NHSL1: variants seen among roughly 807,000 people sequenced by gnomAD.
The protein encoded by NHSL1 is NHS like 1, also known as NHS-like protein 1.
NHSL1 carries 48 observed loss-of-function variants against 95.0 expected under a neutral mutation model. The observed-to-expected ratio is 0.51, with a 90% CI of 0.40 to 0.64. The LOEUF (loss-of-function observed/expected upper bound fraction) is 0.64, where lower values mean the gene tolerates loss of function less well. NHSL1 is among the 30% of genes least tolerant of loss of function. NHSL1 has a pLI of 0.00. For synonymous variants in NHSL1, 783 were observed against 833.9 expected (o/e 0.94, Z 1.05); for missense variants, 1,971 against 2,077.7 (o/e 0.95, Z 1.00).
chr6:138,678,862 T>C (rs1464346807), intron 1 of NHSL1, among the ~76,000 whole-genome samples: 7 of 152,222 alleles, frequency 4.6e-5, no homozygotes, highest in African/African-American at 1.4e-4. Context: ...ATTAATGATA[T>C]TAATCAAAAC....
chr6:138,618,741 A>G (rs754646662), intron 1 of NHSL1, among the ~76,000 whole-genome samples: 1 of 152,190 alleles, frequency 6.6e-6, no homozygotes, highest in Non-Finnish European at 1.5e-5. Flanking sequence ...ACACTTTTAT[A>G]TAAAAGAAAT....
rs763480959 is a variant in NHSL1 at position 138,485,676 on chromosome 6, T to C, written c.211+10543A>G. ...TCAATAGGAGAAGTTAAATAGCCCC[T>C]TTTTGTATATAATTCCCATTCTGTT... On this transcript the variant is annotated intron_variant, in intron 2 of 7. Coordinates refer to ENST00000343505, the MANE Select transcript of NHSL1 (RefSeq NM_001144060.2). 8.7e-4 allele frequency among the ~76,000 whole-genome samples: 132 copies of C among 152,300 alleles called. 1 individual carries two copies. The highest frequency in any genetic ancestry group is 1.4e-3 in the Non-Finnish European group (94 of 68,020).
In NHSL1 at chr6:138,430,383, C is replaced by A; in HGVS notation, c.3952+10G>T. The A allele has an allele frequency of 1.4e-6, 2 of 1,452,692 alleles. No homozygotes were observed. Among genetic ancestry groups the A allele is most frequent in the South Asian group, 1.5e-5 (1 of 66,436 alleles). The allele number at this position is 1,452,692 out of a possible 1,614,324, so 90.0% of individuals were successfully genotyped here. ...GGCACAGGAGAGAGAAGCCAGGAAG[C>A]CAGACTCACCTGCTCCGTCCTGTTG... On this transcript the variant is annotated intron_variant, in intron 6 of 7. Coordinates refer to ENST00000343505, the MANE Select transcript of NHSL1 (RefSeq NM_001144060.2). The surrounding 1 kb of genome is among the most constrained non-coding windows in gnomAD (Gnocchi z 4.7).
chr6:138,660,792 CAAA>C (rs1175314557), intron 1 of NHSL1, among the ~76,000 whole-genome samples: 1 of 82,444 alleles, frequency 1.2e-5, no homozygotes, highest in Non-Finnish European at 2.6e-5. Context: ...CCTGTCTCTA[CAAA>C]AAAAAAAAAA....
chr6:138,427,585 G>A (rs1331523150), intron 7 of NHSL1, among the ~76,000 whole-genome samples: 2 of 152,086 alleles, frequency 1.3e-5, no homozygotes, highest in Admixed American at 1.3e-4. Context: ...ACACGAATAT[G>A]TATTTTTAAT....
chr6:138,673,689 A>C (rs985507293), intron 1 of NHSL1, among the ~76,000 whole-genome samples: 2 of 152,222 alleles, frequency 1.3e-5, no homozygotes, highest in African/African-American at 4.8e-5. Context: ...TGGAACATAA[A>C]TTGTTAAGAC....
At chr6:138,676,055 C>G (rs1399945565) in intron 1 of NHSL1, among the ~76,000 whole-genome samples, 1 of 152,072 alleles carries the variant, frequency 6.6e-6, no homozygotes. Flanking sequence ...CTAATTGGAA[C>G]CCAACTAAGC....
At chr6:138,575,302 T>C (rs1339552725), upstream of NHSL1, among the ~76,000 whole-genome samples, 1 of 152,170 alleles carries the variant, frequency 6.6e-6, no homozygotes, top group Non-Finnish European at 1.5e-5. Flanking sequence ...TTGGTATCAT[T>C]AGTAACTGGC....
chr6:138,537,932 G>A (rs1782424771), intron 1 of NHSL1, among the ~76,000 whole-genome samples: 1 of 152,170 alleles, frequency 6.6e-6, no homozygotes, highest in Admixed American at 6.5e-5. Context: ...GACAGGAAGA[G>A]TTTCCTGGGG....
intron 1 of NHSL1, among the ~76,000 whole-genome samples, chr6:138,522,513 G>A (rs573922614): frequency 8.5e-5 from 13 of 152,258 alleles, no homozygotes; most frequent in Admixed American, 3.3e-4. Flanking sequence ...GTGGTGGCAA[G>A]CACCTGTAAT....
intron 1 of NHSL1, among the ~76,000 whole-genome samples, chr6:138,554,009 G>A (rs966447299): frequency 9.9e-5 from 15 of 152,212 alleles, no homozygotes; most frequent in South Asian, 2.1e-4. Context: ...ACACCAGTAT[G>A]TCCAGATGGA....
At chr6:138,525,822 C>T (rs552672551) in intron 1 of NHSL1, among the ~76,000 whole-genome samples, 15 of 152,080 alleles carry the variant, frequency 9.9e-5, no homozygotes, top group Non-Finnish European at 1.6e-4. Flanking sequence ...CCTGGCCAGG[C>T]GCAGTGGCTC....
At position 138,447,030 on chromosome 6, in the gene NHSL1, T is replaced by C. The variant is rs536555541; in HGVS notation, c.503A>G (p.Gln168Arg). ...EKMRQQAQTV[Q>R]ADVVPINITG... ...TATGTTAATAGGCACCACGTCAGCCTGGACTGTTTGGGCTTGCTGTCGCAT... is the reference window on the plus strand; with the variant it reads ...TATGTTAATAGGCACCACGTCAGCCCGGACTGTTTGGGCTTGCTGTCGCAT... Residue 168 changes from glutamine to arginine, a missense_variant, in exon 4 of 8, where the codon CAG (glutamine) becomes CGG (arginine). Around this residue, in one of 3 missense-constraint regions of NHSL1, gnomAD observed 1,602 missense variants for 1,654.5 expected, o/e 0.97. Transcript: ENST00000343505. 1.9e-6 allele frequency: 3 copies of C among 1,551,638 alleles called. No individual in the cohort carries two copies. The highest frequency in any genetic ancestry group is 2.6e-6 in the Non-Finnish European group (3 of 1,147,008).
intron 1 of NHSL1, among the ~76,000 whole-genome samples, chr6:138,522,381 C>T (rs1337208778): frequency 6.6e-6 from 1 of 152,210 alleles, no homozygotes; most frequent in Non-Finnish European, 1.5e-5. Context: ...GTGGCTCACG[C>T]CTGTAATCCC....
intron 1 of NHSL1, among the ~76,000 whole-genome samples, chr6:138,552,158 T>C (rs899036946): frequency 2.0e-5 from 3 of 152,158 alleles, no homozygotes; most frequent in Non-Finnish European, 2.9e-5. Context: ...TGGTGGCTCA[T>C]GCCTGTAATC....
chr6:138,666,605 A>G (rs2114747823), intron 1 of NHSL1, among the ~76,000 whole-genome samples: 1 of 152,064 alleles, frequency 6.6e-6, no homozygotes, highest in East Asian at 1.9e-4. Context: ...AAAAAAAAAA[A>G]AAAAAAGAAG....
intron 1 of NHSL1, among the ~76,000 whole-genome samples, chr6:138,518,476 ATTTTTTTTTTT>A (rs79456955): frequency 1.2e-4 from 16 of 137,046 alleles, no homozygotes; most frequent in African/African-American, 4.1e-4. Context: ...CACAGGAATG[ATTTTTTTTTTT>A]TTTTTTTTAG....
chr6:138,513,417 C>T (rs2128302468), intron 1 of NHSL1, among the ~76,000 whole-genome samples: 1 of 152,144 alleles, frequency 6.6e-6, no homozygotes. Flanking sequence ...CACTCTGTCA[C>T]CCAGGCTAGA....
chr6:138,497,971 A>T (rs1384946463), intron 1 of NHSL1, among the ~76,000 whole-genome samples: 1 of 152,242 alleles, frequency 6.6e-6, no homozygotes, highest in Non-Finnish European at 1.5e-5. Flanking sequence ...GCAGTATGTG[A>T]ATTTGGCACC....
Sources: allele counts gnomAD v4.1 joint callset (sites outside exome capture counted in the v4.1 genomes callset), GRCh38; gene constraint gnomAD v4.1.1; regional missense constraint gnomAD v4.1.1; non-coding constraint Gnocchi (gnomAD v3.1); transcripts MANE v1.5; gene names NCBI Gene and HGNC (gene_info 2026-07-23, HGNC 2026-07-21).